MGAM: variants seen among roughly 807,000 people sequenced by gnomAD.
MGAM encodes the protein maltase-glucoamylase.
MGAM carries 253 observed loss-of-function variants against 358.8 expected under a neutral mutation model. The ratio of observed to expected loss-of-function variants is 0.71; its 90% CI spans 0.64 to 0.78. The LOEUF is 0.78. Ranked by LOEUF, MGAM falls within the 30% of genes least tolerant of loss-of-function variation. The pLI, the probability that MGAM is intolerant of heterozygous loss-of-function variation, is 0.00. For synonymous variants in MGAM, 1,105 were observed against 1,227.1 expected (o/e 0.90, Z 2.08); for missense variants, 3,080 against 3,432.6 (o/e 0.90, Z 2.57).
rs543006069 is a variant in MGAM at position 142,029,980 on chromosome 7, G to A, written c.1222-382G>A. On this transcript the variant is annotated intron_variant, in intron 10 of 70. Transcript: ENST00000475668. ...AGTAAAATGAGGGAGATGTGGGAGAGAGACAGTCTCTTCCCTTCTTTATCT... is the reference window on the plus strand; with the variant it reads ...AGTAAAATGAGGGAGATGTGGGAGAAAGACAGTCTCTTCCCTTCTTTATCT... Among the ~76,000 whole-genome samples the A allele has an allele frequency of 6.6e-5, 10 of 152,330 alleles. No individual in the cohort carries two copies. The South Asian group carries it at 2.1e-3, about 32-fold the overall frequency.
intron 43 of MGAM, among the ~76,000 whole-genome samples, chr7:142,070,240 A>G (rs1230730149): frequency 6.9e-6 from 1 of 145,406 alleles, no homozygotes; most frequent in East Asian, 2.0e-4. Context: ...TGTTTAATTA[A>G]AATGAAGATG....
chr7:142,010,728 C>T (rs782477413), intron 3 of MGAM, among the ~76,000 whole-genome samples: 1 of 152,066 alleles, frequency 6.6e-6, no homozygotes, highest in Non-Finnish European at 1.5e-5. Context: ...TATTACTGTA[C>T]GTTGAGCCAA....
intron 10 of MGAM, among the ~76,000 whole-genome samples, chr7:142,029,279 G>C (rs1807248395): frequency 6.6e-6 from 1 of 152,002 alleles, no homozygotes; most frequent in Non-Finnish European, 1.5e-5. Flanking sequence ...AGAATCACTT[G>C]AACCCTGGAG....
chr7:141,992,425 C>T (rs1329024145), upstream of MGAM, among the ~76,000 whole-genome samples: 1 of 152,024 alleles, frequency 6.6e-6, no homozygotes, highest in Non-Finnish European at 1.5e-5. Context: ...GGAGGCTATG[C>T]TTAGTGATTT....
chr7:142,064,361 C>G (rs1812517034), intron 36 of MGAM, 23 bp from the exon 37 acceptor site: 1 of 1,597,414 alleles, frequency 6.3e-7, no homozygotes. Flanking sequence ...CTGGGTTTCA[C>G]CTCGCCAGTT....
chr7:142,083,908 GGTGGTA>G (rs58489142), intron 53 of MGAM, among the ~76,000 whole-genome samples: 3,841 of 136,472 alleles, frequency 0.028, 274 homozygotes, highest in African/African-American at 0.1. Flanking sequence ...TGGCTATGGT[GGTGGTA>G]GTGGTGGTGA....
intron 49 of MGAM, among the ~76,000 whole-genome samples, 190 bp downstream of exon 49, chr7:142,079,198 T>C (rs1814010927): frequency 1.4e-5 from 2 of 146,106 alleles, no homozygotes; most frequent in Admixed American, 1.4e-4. Context: ...AAAAGATTAC[T>C]GTGGCTACTG....
chr7:142,024,414 GAA>G (rs10580224), intron 7 of MGAM, among the ~76,000 whole-genome samples: 66,834 of 138,680 alleles, frequency 0.48, 15,679 homozygotes, highest in East Asian at 0.67. Flanking sequence ...ACCCTGTCTG[GAA>G]AAAAAAAAAA....
rs192672455 is a variant in MGAM, at chr7:142,098,682, G to A, written c.7750-931G>A. On this transcript the variant is annotated intron_variant, in intron 66 of 70. Coordinates refer to ENST00000475668, the MANE Select transcript of MGAM (RefSeq NM_001365693.1). ...GGCTCTGCTATGTGTGTCCCAGCCA[G>A]GCGTTTCCCAGGAAGAGGTGGCCAG... Among the ~76,000 whole-genome samples, 228 of 152,258 alleles carry A rather than the reference G, an allele frequency of 1.5e-3. 1 individual carries two copies. Among genetic ancestry groups the A allele is most frequent in the African/African-American group, 5.1e-3 (212 of 41,548 alleles).
At chr7:142,047,113 G>C (rs1810474870) in intron 21 of MGAM, among the ~76,000 whole-genome samples, 1 of 152,102 alleles carries the variant, frequency 6.6e-6, no homozygotes, top group South Asian at 2.1e-4. Context: ...CAGGAAACTG[G>C]GAGGTTGCTT....
intron 21 of MGAM, among the ~76,000 whole-genome samples, chr7:142,044,995 C>A (rs1369492333): frequency 9.0e-5 from 9 of 100,236 alleles, no homozygotes; most frequent in African/African-American, 3.4e-4. Flanking sequence ...ATTATATACA[C>A]GTGTAATATA....
rs568222185 is a variant in MGAM at position 142,082,204 on chromosome 7, C to A, written c.6165C>A (p.Pro2055=). Reference sequence around the variant, plus strand: ...GGGGGATGTTCTCCCGAGACCAGCCCCCAGGGGTAAGGACAGAGCATTTGA... The same window carrying A: ...GGGGGATGTTCTCCCGAGACCAGCCACCAGGGGTAAGGACAGAGCATTTGA... The part of the protein sequence containing the change: ...HTWGMFSRDQ[P]PGYKKNSYGV... Residue 2055 remains proline, a synonymous_variant, in exon 51 of 71, where the codon CCC becomes CCA. Coordinates refer to ENST00000475668, the MANE Select transcript of MGAM (RefSeq NM_001365693.1). 7.9e-5 allele frequency: 123 copies of A among 1,554,256 alleles called. 4 individuals are homozygous for A. In the African/African-American group the frequency reaches 1.4e-3, roughly 18 times the overall value.
At chr7:142,027,479 C>T in intron 9 of MGAM, 131 bp from the exon 10 acceptor site, 8 of 1,073,938 alleles carry the variant, frequency 7.4e-6, no homozygotes, top group Non-Finnish European at 1.0e-5. Flanking sequence ...GAAAAATAGA[C>T]TAACATTCTA....
At chr7:141,993,000 G>A (rs1240237967), upstream of MGAM, among the ~76,000 whole-genome samples, 6 of 152,200 alleles carry the variant, frequency 3.9e-5, no homozygotes, top group Non-Finnish European at 8.8e-5. Flanking sequence ...GTGTTACCAC[G>A]GTGGTTGTTG....
chr7:142,067,973 T>TATATATATAA (rs1812974636), intron 42 of MGAM, among the ~76,000 whole-genome samples: 1 of 6,082 alleles, frequency 1.6e-4, no homozygotes, highest in Non-Finnish European at 7.8e-4. Flanking sequence ...TAAATATATA[T>TATATATATAA]ATATATATAT....
intron 29 of MGAM, 71 bp from the exon 30 acceptor site, chr7:142,056,759 T>C: frequency 1.4e-6 from 2 of 1,445,842 alleles, no homozygotes; most frequent in South Asian, 1.2e-5. Flanking sequence ...AGATGGAGAA[T>C]GTGTGGATTT....
chr7:142,042,483 T>TTA lies in MGAM; in HGVS notation c.2498+1642_2498+1643dup, dbSNP rs561751050. Among the ~76,000 whole-genome samples the TTA allele has an allele frequency of 5.5e-3, 40 of 7,310 alleles. 2 individuals are homozygous for TTA. Among genetic ancestry groups the TTA allele is most frequent in the African/African-American group, 0.038 (37 of 966 alleles). 4.8% of individuals were successfully genotyped at this position (7,310 alleles called of 152,430 possible). A position where few individuals can be genotyped will look rare whatever the true frequency, so the allele number is the denominator to read the frequency against. On this transcript the variant is annotated intron_variant, in intron 21 of 70. Coordinates refer to ENST00000475668, the MANE Select transcript of MGAM (RefSeq NM_001365693.1). Reference sequence around the variant, plus strand: ...TATAATATATAATATATAATATATATTATATACATATATATAATATATAAT... The same window carrying TTA: ...TATAATATATAATATATAATATATATTATATATACATATATATAATATATAAT...
chr7:142,021,404 C>G (rs1806443480), intron 5 of MGAM, among the ~76,000 whole-genome samples, 182 bp from the exon 6 acceptor site: 1 of 152,172 alleles, frequency 6.6e-6, no homozygotes, highest in East Asian at 1.9e-4. Context: ...CTGTATGTCT[C>G]TACCTAAAGA....
chr7:142,042,142 A>C (rs1413438282), intron 21 of MGAM, among the ~76,000 whole-genome samples: 1 of 56,602 alleles, frequency 1.8e-5, no homozygotes, highest in Admixed American at 3.4e-4. Flanking sequence ...TATAATATAT[A>C]ACATATAATA....
Sources: allele counts gnomAD v4.1 joint callset (sites outside exome capture counted in the v4.1 genomes callset), GRCh38; gene constraint gnomAD v4.1.1; transcripts MANE v1.5; gene names NCBI Gene and HGNC (gene_info 2026-07-23, HGNC 2026-07-21).